KCNAB1: variants seen among roughly 807,000 people sequenced by gnomAD.
KCNAB1 encodes voltage-gated potassium channel subunit beta-1.
A neutral mutation model predicts 64.6 loss-of-function variants in KCNAB1; 35 were observed. The observed-to-expected ratio is 0.54, with a 90% CI of 0.41 to 0.72. The LOEUF (loss-of-function observed/expected upper bound fraction) is 0.72. Ranked by LOEUF, KCNAB1 falls within the 30% of genes least tolerant of loss-of-function variation. KCNAB1 has a pLI of 0.00. For missense variants in KCNAB1, 401 were observed against 512.9 expected, an observed-to-expected ratio of 0.78 and a Z score of 2.11; for synonymous variants, 177 against 183.8, an observed-to-expected ratio of 0.96 and a Z score of 0.30.
intron 1 of KCNAB1, among the ~76,000 whole-genome samples, chr3:156,343,293 T>A (rs1724260826): frequency 6.6e-6 from 1 of 152,370 alleles, no homozygotes; most frequent in Admixed American, 6.5e-5. Flanking sequence ...CTCTGGATTC[T>A]GTATTCCTAA....
intron 13 of KCNAB1, among the ~76,000 whole-genome samples, chr3:156,533,747 G>A (rs1234953383): frequency 6.6e-6 from 1 of 152,094 alleles, no homozygotes; most frequent in East Asian, 1.9e-4. Context: ...GGGAAAGAGA[G>A]ACACCATGGC....
intron 8 of KCNAB1, among the ~76,000 whole-genome samples, chr3:156,486,185 CGCTTTTATAAGGAGG>C (rs1027376761): frequency 2.0e-5 from 3 of 152,092 alleles, no homozygotes; most frequent in African/African-American, 7.2e-5. Context: ...TGCCTGTGTC[CGCTTTTATAAGGAGG>C]GCTGTGAGAC....
At chr3:156,201,231 G>T (rs35935941) in intron 1 of KCNAB1, among the ~76,000 whole-genome samples, 1 of 152,104 alleles carries the variant, frequency 6.6e-6, no homozygotes, top group Non-Finnish European at 1.5e-5. Context: ...GGTCTTGCTG[G>T]GAGCTGCAGA....
intron 1 of KCNAB1, among the ~76,000 whole-genome samples, chr3:156,148,528 A>T (rs182445219): frequency 2.0e-5 from 3 of 152,298 alleles, no homozygotes; most frequent in Admixed American, 6.5e-5. Flanking sequence ...ACAATATGCT[A>T]CTTAATCTTG....
chr3:156,212,367 A>G, intron 1 of KCNAB1, among the ~76,000 whole-genome samples: 1 of 152,228 alleles, frequency 6.6e-6, no homozygotes, highest in South Asian at 2.1e-4. Context: ...ACTATGAAAG[A>G]TGATGGGGTA....
chr3:156,175,965 T>C, intron 1 of KCNAB1: 1 of 1,012,818 alleles, frequency 9.9e-7, no homozygotes, highest in South Asian at 1.3e-5. Flanking sequence ...GCTCATACAG[T>C]ATTCTCCTGC....
intron 1 of KCNAB1, among the ~76,000 whole-genome samples, chr3:156,191,288 C>T (rs1428848754): frequency 1.3e-5 from 2 of 152,196 alleles, no homozygotes; most frequent in South Asian, 2.1e-4. Context: ...GATTCTGTGA[C>T]CTGTCACTAG....
chr3:156,252,966 G>A (rs751244544), intron 1 of KCNAB1, among the ~76,000 whole-genome samples: 5 of 152,204 alleles, frequency 3.3e-5, no homozygotes, highest in Non-Finnish European at 5.9e-5. Context: ...AAACTCCAAA[G>A]TAATGAGATT....
intron 8 of KCNAB1, among the ~76,000 whole-genome samples, chr3:156,509,433 T>C (rs550153968): frequency 9.2e-5 from 14 of 152,248 alleles, no homozygotes; most frequent in African/African-American, 2.9e-4. Flanking sequence ...CCTGAGACCA[T>C]TGGTGTAGAC....
rs550677377 is a variant in KCNAB1 at position 156,193,973 on chromosome 3, T to C, written c.275+73087T>C. 1.1e-4 allele frequency among the ~76,000 whole-genome samples: 17 copies of C among 152,312 alleles called. No individual in the cohort carries two copies. In the South Asian group the frequency reaches 2.7e-3, roughly 24 times the overall value. On this transcript the variant is annotated intron_variant, in intron 1 of 13. Transcript: ENST00000490337. ...ATCTTTAATTTATTATAGTTAACTT[T>C]CAAGTGATAATACACCACATAAAGC...
Position 156,515,225 on chromosome 3 carries a change from T to C in KCNAB1, c.865+5T>C. The C allele has an allele frequency of 6.2e-7, 1 of 1,600,292 alleles. No individual in the cohort carries two copies. ...CAGAGCTCTACCACAAAATAGGTAA[T>C]CTTCAAAATAAAAGCTACTGAGTAT... On this transcript the variant is annotated splice_donor_5th_base_variant and intron_variant, in intron 10 of 13. Transcript: ENST00000490337.
intron 1 of KCNAB1, among the ~76,000 whole-genome samples, chr3:156,172,235 T>G (rs574741465): frequency 6.6e-6 from 1 of 152,022 alleles, no homozygotes; most frequent in African/African-American, 2.4e-5. Context: ...ACAGCAGAGT[T>G]TCATAACAGA....
intron 1 of KCNAB1, among the ~76,000 whole-genome samples, chr3:156,205,579 T>C (rs1487226425): frequency 6.6e-6 from 1 of 152,192 alleles, no homozygotes; most frequent in Non-Finnish European, 1.5e-5. Context: ...CCCCTATACA[T>C]TGGTTGTCAG....
chr3:156,139,427 C>T lies in KCNAB1; in HGVS notation c.275+18541C>T, dbSNP rs56140418. On this transcript the variant is annotated intron_variant, in intron 1 of 13. Coordinates refer to ENST00000490337, the MANE Select transcript of KCNAB1 (RefSeq NM_172160.3). ...CACCTGTGATTCTTCCTTGGCCCTC[C>T]GCTGGCACCACTGCCTGAACCTCCA... Among the ~76,000 whole-genome samples the T allele has an allele frequency of 5.5e-3, 831 of 152,166 alleles. 12 individuals are homozygous for T. Among genetic ancestry groups the T allele is most frequent in the East Asian group, 0.033 (169 of 5,164 alleles).
intron 1 of KCNAB1, among the ~76,000 whole-genome samples, chr3:156,264,973 G>A (rs961124446): frequency 1.3e-5 from 2 of 152,080 alleles, no homozygotes; most frequent in African/African-American, 4.8e-5. Flanking sequence ...TCTTTTTAAT[G>A]AGAAACACTC....
intron 1 of KCNAB1, among the ~76,000 whole-genome samples, chr3:156,154,412 A>G (rs1241436356): frequency 6.6e-6 from 1 of 152,008 alleles, no homozygotes; most frequent in Non-Finnish European, 1.5e-5. Context: ...AGGAGGGGTC[A>G]TCATCTCATT....
chr3:156,251,908 G>A (rs1029274249), intron 1 of KCNAB1, among the ~76,000 whole-genome samples: 1 of 152,204 alleles, frequency 6.6e-6, no homozygotes, highest in African/African-American at 2.4e-5. Context: ...ATCTGTCAAA[G>A]CTATGTCAGA....
In KCNAB1 at chr3:156,459,853, T is replaced by C. The variant is rs1383907951; in HGVS notation, c.464T>C (p.Ile155Thr). The C allele has an allele frequency of 3.7e-6, 6 of 1,610,826 alleles. No homozygotes were observed. Among genetic ancestry groups the C allele is most frequent in the South Asian group, 1.1e-5 (1 of 90,922 alleles). Residue 155 changes from isoleucine to threonine, a missense_variant, in exon 5 of 14, where the codon ATC becomes ACC. Transcript: ENST00000490337. The part of the protein sequence containing the change: ...GKAEVILGSI[I>T]KKKGWRRSSL... ...GCTGAAGTGATTCTGGGGAGCATCA[T>C]CAAGAAGAAAGGCTGGAGGTATTGC...
At chr3:156,534,380 C>G (rs540774328) in intron 13 of KCNAB1, among the ~76,000 whole-genome samples, 1 of 152,202 alleles carries the variant, frequency 6.6e-6, no homozygotes, top group East Asian at 1.9e-4. Context: ...CTGCAGGCAG[C>G]CCACCTTCAC....
Sources: allele counts gnomAD v4.1 joint callset (sites outside exome capture counted in the v4.1 genomes callset), GRCh38; gene constraint gnomAD v4.1.1; transcripts MANE v1.5; gene names NCBI Gene and HGNC (gene_info 2026-07-23, HGNC 2026-07-21).